The following UCK2 variants were observed in gnomAD, a reference collection of about 807,000 sequenced individuals.
UCK2 encodes the protein cytidine monophosphokinase 2.
A neutral mutation model predicts 30.8 loss-of-function variants in UCK2; 6 were observed. That is an observed-to-expected ratio of 0.19 (90% confidence interval 0.11 to 0.38). The LOEUF (loss-of-function observed/expected upper bound fraction) is 0.38, where lower values mean the gene tolerates loss of function less well. Ranked by LOEUF, UCK2 falls within the 10% of genes least tolerant of loss-of-function variation. The pLI, the probability that UCK2 is intolerant of heterozygous loss-of-function variation, is 1.00. For synonymous variants in UCK2, 125 were observed against 133.6 expected (o/e 0.94, Z 0.45); for missense variants, 210 against 339.8 (o/e 0.62, Z 3.00).
intron 1 of UCK2, among the ~76,000 whole-genome samples, chr1:165,853,074 G>A (rs1654637794): frequency 6.6e-6 from 1 of 152,182 alleles, no homozygotes; most frequent in South Asian, 2.1e-4. Context: ...GCTCCAAGGG[G>A]CCGCCTTCCA....
In UCK2 at chr1:165,835,957, G is replaced by A. The variant is rs145477181; in HGVS notation, c.99+8025G>A. Among the ~76,000 whole-genome samples, 104 of 152,270 alleles carry A rather than the reference G, an allele frequency of 6.8e-4. 1 individual carries two copies. Among genetic ancestry groups the A allele is most frequent in the Admixed American group, 2.7e-3 (41 of 15,284 alleles). Reference sequence around the variant, plus strand: ...AAAACAAATGGATACTGCCGGGCGCGGTGGCTCATGCCTGTAATCCTAGCA... The same window carrying A: ...AAAACAAATGGATACTGCCGGGCGCAGTGGCTCATGCCTGTAATCCTAGCA... On this transcript the variant is annotated intron_variant, in intron 1 of 6. Transcript: ENST00000367879.
chr1:165,855,307 T>A lies in UCK2; in HGVS notation c.99+27375T>A, dbSNP rs536439489. ...TCCACAAACACCTATTCCTAGTTCT[T>A]GTCTGAATCTCCATTTATTTTGCAG... is the stretch of plus-strand genomic sequence containing the variant. On this transcript the variant is annotated intron_variant, in intron 1 of 6. Coordinates refer to ENST00000367879, the MANE Select transcript of UCK2 (RefSeq NM_012474.5). 2.4e-3 allele frequency among the ~76,000 whole-genome samples: 361 copies of A among 152,294 alleles called. 3 individuals are homozygous for A. Among genetic ancestry groups the A allele is most frequent in the Admixed American group, 3.1e-3 (47 of 15,304 alleles).
intron 1 of UCK2, among the ~76,000 whole-genome samples, chr1:165,854,090 T>C (rs1654665426): frequency 6.6e-6 from 1 of 152,228 alleles, no homozygotes; most frequent in Non-Finnish European, 1.5e-5. Context: ...TCCTATCTCC[T>C]CTCATTTTGG....
chr1:165,892,465 C>T (rs942199840), intron 3 of UCK2, among the ~76,000 whole-genome samples: 1 of 152,206 alleles, frequency 6.6e-6, no homozygotes, highest in East Asian at 1.9e-4. Flanking sequence ...TTTGCAGCCT[C>T]AATCTGGGAG....
Position 165,877,559 on chromosome 1 carries a change from A to T in UCK2, c.100-12645A>T, listed in dbSNP as rs749732230. On this transcript the variant is annotated intron_variant, in intron 1 of 6. Transcript: ENST00000367879. ...GAATTGCCCTTTTTTACTCAGCACA[A>T]TTCTCTGGAGATTCGTGCAGGTTGT... is the stretch of plus-strand genomic sequence containing the variant. Among the ~76,000 whole-genome samples the T allele has an allele frequency of 2.6e-5, 4 of 152,256 alleles. No individual in the cohort carries two copies. The East Asian group carries it at 7.7e-4, about 29-fold the overall frequency.
At chr1:165,867,458 A>ATTTTTTTT (rs1655074466) in intron 1 of UCK2, among the ~76,000 whole-genome samples, 1 of 152,248 alleles carries the variant, frequency 6.6e-6, no homozygotes, top group Non-Finnish European at 1.5e-5. Context: ...CAATCAAAAA[A>ATTTTTTTT]TAAAAAATTT....
chr1:165,899,750 G>A (rs1647391002), intron 4 of UCK2, among the ~76,000 whole-genome samples: 1 of 152,206 alleles, frequency 6.6e-6, no homozygotes, highest in Admixed American at 6.5e-5. Flanking sequence ...CCAAGACCTT[G>A]TTTGGACTCA....
At position 165,908,717 on chromosome 1, in the gene UCK2, T is replaced by G. The variant is rs567302592; in HGVS notation, c.*894T>G. 5.2e-5 allele frequency: 8 copies of G among 152,432 alleles called. No homozygotes were observed. In the South Asian group the frequency reaches 1.4e-3, roughly 28 times the overall value. 9.4% of individuals were successfully genotyped at this position (152,432 alleles called of 1,614,324 possible). ...GGGCAGAACTTTGCCTGCTGTCATATCTGAAGAATCACTGGTTCTTTCTGC... is the reference window on the plus strand; with the variant it reads ...GGGCAGAACTTTGCCTGCTGTCATAGCTGAAGAATCACTGGTTCTTTCTGC... On this transcript the variant is annotated 3_prime_UTR_variant, in exon 7 of 7. Coordinates refer to ENST00000367879, the MANE Select transcript of UCK2 (RefSeq NM_012474.5).
chr1:165,842,750 C>T (rs1369197978), intron 1 of UCK2, among the ~76,000 whole-genome samples: 1 of 152,204 alleles, frequency 6.6e-6, no homozygotes, highest in Non-Finnish European at 1.5e-5. Flanking sequence ...GCCTGTCCGT[C>T]GGGTACATTC....
intron 3 of UCK2, chr1:165,894,572 GGAT>G (rs1177571620): frequency 6.6e-6 from 1 of 152,112 alleles, no homozygotes; most frequent in Non-Finnish European, 1.5e-5. Flanking sequence ...CTTGGGGGTA[GGAT>G]CCAGGTAGGG....
chr1:165,905,298 C>A (rs1399874693), intron 5 of UCK2, among the ~76,000 whole-genome samples: 1 of 152,222 alleles, frequency 6.6e-6, no homozygotes, highest in East Asian at 1.9e-4. Context: ...GCCTGGGCAA[C>A]ATGGCGATAC....
At chr1:165,851,979 A>G (rs533903465) in intron 1 of UCK2, among the ~76,000 whole-genome samples, 13 of 152,274 alleles carry the variant, frequency 8.5e-5, no homozygotes, top group African/African-American at 2.9e-4. Flanking sequence ...TATCCATTCT[A>G]TCATTGATGG....
At position 165,887,224 on chromosome 1, in the gene UCK2, G is replaced by T. The variant is rs556934729; in HGVS notation, c.100-2980G>T. 8.5e-4 allele frequency among the ~76,000 whole-genome samples: 129 copies of T among 152,314 alleles called. No homozygotes were observed. In the Middle Eastern group the frequency reaches 0.01, roughly 12 times the overall value. On this transcript the variant is annotated intron_variant, in intron 1 of 6. Transcript: ENST00000367879. ...GCAGTGGTAGTGTGTTTGTGGAAGG[G>T]AAGGGTCACCAGCCAGGTCCTTGAA...
rs527714255 is a variant in UCK2, at chr1:165,827,756, G to T, written c.-78G>T. 1 of 1,231,270 alleles carries T rather than the reference G, an allele frequency of 8.1e-7. No homozygotes were observed. Among genetic ancestry groups the T allele is most frequent in the East Asian group, 3.2e-5 (1 of 31,304 alleles). The allele number at this position is 1,231,270 out of a possible 1,614,324, so 76.3% of individuals were successfully genotyped here. A position where few individuals can be genotyped will look rare whatever the true frequency, so the allele number is the denominator to read the frequency against. On this transcript the variant is annotated 5_prime_UTR_variant, in exon 1 of 7. Transcript: ENST00000367879. The stretch of plus-strand genomic sequence containing the variant: ...GCGCCCAGCGGCGGCTGCGGAAAGC[G>T]GAGGGAGTCCGACGCGGGCGCGGGC...
intron 1 of UCK2, among the ~76,000 whole-genome samples, chr1:165,869,276 G>A (rs1389126003): frequency 6.6e-6 from 1 of 152,146 alleles, no homozygotes; most frequent in Admixed American, 6.5e-5. Flanking sequence ...GAGATACAAA[G>A]TGAACACATG....
intron 1 of UCK2, among the ~76,000 whole-genome samples, chr1:165,868,957 A>G (rs1198486814): frequency 6.6e-6 from 1 of 152,010 alleles, no homozygotes; most frequent in East Asian, 1.9e-4. Flanking sequence ...GAGACATGTG[A>G]CTCTTTTACT....
intron 1 of UCK2, among the ~76,000 whole-genome samples, chr1:165,863,784 G>C (rs560782982): frequency 1.8e-4 from 28 of 152,310 alleles, no homozygotes; most frequent in African/African-American, 6.3e-4. Context: ...GACTCATGGA[G>C]GTCATCTAGT....
chr1:165,881,196 A>G lies in UCK2; in HGVS notation c.100-9008A>G, dbSNP rs542201821. On this transcript the variant is annotated intron_variant, in intron 1 of 6. Coordinates refer to ENST00000367879, the MANE Select transcript of UCK2 (RefSeq NM_012474.5). The stretch of plus-strand genomic sequence containing the variant: ...TCAATAAAACTTAAAAAAAAAAAAA[A>G]AAAAAAAAAAGAGATGATGTAGAAG... 8.6e-5 allele frequency among the ~76,000 whole-genome samples: 13 copies of G among 150,922 alleles called. No individual in the cohort carries two copies. In the South Asian group the frequency reaches 2.7e-3, roughly 31 times the overall value.
At chr1:165,846,528 A>C (rs1011091416) in intron 1 of UCK2, among the ~76,000 whole-genome samples, 4 of 152,216 alleles carry the variant, frequency 2.6e-5, no homozygotes, top group African/African-American at 9.6e-5. Flanking sequence ...GGTAGCAGAC[A>C]GTTTACCTGT....
Sources: gnomAD v4.1 joint callset for allele counts (sites outside exome capture counted in the v4.1 genomes callset) on GRCh38, gnomAD v4.1.1 for gene constraint, MANE v1.5 for transcripts, NCBI Gene and HGNC (gene_info 2026-07-23, HGNC 2026-07-21) for gene names.